The following ASIC2 variants were observed in gnomAD, a reference collection of about 807,000 sequenced individuals.
ASIC2 encodes the protein acid-sensing ion channel 2.
In ASIC2, 25 loss-of-function variants were observed where a neutral mutation model predicts 57.3. The observed-to-expected ratio is 0.44, with a 90% CI of 0.32 to 0.61. The LOEUF is 0.61. ASIC2 is among the 20% of genes least tolerant of loss of function. The probability of loss-of-function intolerance (pLI) is 0.06; values close to 1 mark genes in which losing one functional copy is unlikely to be tolerated. For missense variants in ASIC2, 641 were observed against 738.1 expected, an observed-to-expected ratio of 0.87 and a Z score of 1.52; for synonymous variants, 319 against 307.5, an observed-to-expected ratio of 1.04 and a Z score of -0.39.
chr17:34,123,739 T>G (rs1425657752), intron 1 of ASIC2, among the ~76,000 whole-genome samples: 1 of 152,166 alleles, frequency 6.6e-6, no homozygotes, highest in African/African-American at 2.4e-5. Context: ...AAAGCAACCT[T>G]TACTGAAGGC....
At position 33,522,927 on chromosome 17, in the gene ASIC2, C is replaced by A. The variant is rs114740785; in HGVS notation, c.556-410860G>T. Among the ~76,000 whole-genome samples the A allele has an allele frequency of 8.3e-3, 1,261 of 152,134 alleles. 22 individuals carry two copies. Among genetic ancestry groups the A allele is most frequent in the African/African-American group, 0.029 (1,215 of 41,486 alleles). On this transcript the variant is annotated intron_variant, in intron 1 of 9. Coordinates refer to the ASIC2 transcript ENST00000359872. ...ACAAAGGCCAGGGCAACCCCTGGCT[C>A]CCCCTACCCCACCCACCGCAAGCCC... is the stretch of plus-strand genomic sequence containing the variant.
chr17:33,452,081 G>C (rs1389421340), intron 1 of ASIC2, among the ~76,000 whole-genome samples: 1 of 152,196 alleles, frequency 6.6e-6, no homozygotes, highest in African/African-American at 2.4e-5. Flanking sequence ...ATGAAAACTT[G>C]GAATACCAAG....
At chr17:33,728,769 A>G (rs1471372247) in intron 1 of ASIC2, among the ~76,000 whole-genome samples, 1 of 152,164 alleles carries the variant, frequency 6.6e-6, no homozygotes, top group Admixed American at 6.5e-5. Flanking sequence ...TGAGTTGGGA[A>G]GGCAGAGGAA....
At chr17:33,366,728 A>G (rs879560368) in intron 1 of ASIC2, among the ~76,000 whole-genome samples, 2 of 152,228 alleles carry the variant, frequency 1.3e-5, no homozygotes, top group South Asian at 4.1e-4. Context: ...GAAATAGTCA[A>G]TGATTTTTTG....
At chr17:33,213,899 G>A (rs1907375037) in intron 1 of ASIC2, among the ~76,000 whole-genome samples, 1 of 152,216 alleles carries the variant, frequency 6.6e-6, no homozygotes, top group African/African-American at 2.4e-5. Flanking sequence ...CAAGTTGAGA[G>A]AATAACAAGA....
chr17:33,541,207 G>T (rs986929606), intron 1 of ASIC2: 2 of 152,170 alleles, frequency 1.3e-5, no homozygotes, highest in African/African-American at 4.8e-5. Flanking sequence ...GTTAGAGCTT[G>T]TAAAAGTTTA....
chr17:33,309,085 G>T lies in ASIC2; in HGVS notation c.556-197018C>A, dbSNP rs149605121. ...TAAAAAGCTTTCTTCCATTCCCAAC[G>T]TTTCCTGATTCTGCTGCTACAACTT... On this transcript the variant is annotated intron_variant, in intron 1 of 9. Coordinates refer to the ASIC2 transcript ENST00000359872. Among the ~76,000 whole-genome samples the T allele has an allele frequency of 1.6e-4, 24 of 152,124 alleles. 1 individual carries two copies. The East Asian group carries it at 4.1e-3, about 26-fold the overall frequency.
At chr17:33,080,989 G>A (rs2092111057) in intron 3 of ASIC2, among the ~76,000 whole-genome samples, 2 of 152,180 alleles carry the variant, frequency 1.3e-5, no homozygotes, top group South Asian at 2.1e-4. Flanking sequence ...GAACTTTTTG[G>A]TGACTCTTTG....
intron 1 of ASIC2, among the ~76,000 whole-genome samples, chr17:33,201,383 C>T (rs886084489): frequency 1.3e-5 from 2 of 152,170 alleles, no homozygotes; most frequent in Admixed American, 6.5e-5. Flanking sequence ...TGGGACTCAA[C>T]TCTGGAGGCA....
At chr17:33,234,144 C>T (rs764128184) in intron 1 of ASIC2, among the ~76,000 whole-genome samples, 41 of 152,268 alleles carry the variant, frequency 2.7e-4, no homozygotes, top group African/African-American at 6.7e-4. Context: ...ATGCCTGGAG[C>T]GATTTTTTTT....
rs779597047 is a variant in ASIC2 at position 33,443,406 on chromosome 17, A to ATTTTTTTTTTTTT, written c.556-331352_556-331340dup. Among the ~76,000 whole-genome samples, 72 of 75,262 alleles carry ATTTTTTTTTTTTT rather than the reference A, an allele frequency of 9.6e-4. 4 individuals carry two copies. The highest frequency in any genetic ancestry group is 1.5e-3 in the East Asian group (4 of 2,684). The allele number at this position is 75,262 out of a possible 152,430, so 49.4% of individuals were successfully genotyped here. ...TTTTTTATGTATGGTGGAGGGTAAG[A>ATTTTTTTTTTTTT]TTTTTTTTTTTTTTTTTTTTTTTTT... On this transcript the variant is annotated intron_variant, in intron 1 of 9. Coordinates refer to the ASIC2 transcript ENST00000359872.
intron 2 of ASIC2, among the ~76,000 whole-genome samples, chr17:33,091,839 G>T (rs1255351698): frequency 6.6e-6 from 1 of 152,216 alleles, no homozygotes; most frequent in Non-Finnish European, 1.5e-5. Flanking sequence ...ATGGGAACGT[G>T]CTATTCCCTG....
At chr17:33,427,917 CTCTT>C (rs749824830) in intron 1 of ASIC2, among the ~76,000 whole-genome samples, 48 of 152,226 alleles carry the variant, frequency 3.2e-4, no homozygotes, top group Non-Finnish European at 5.4e-4. Flanking sequence ...GTCTTTCTGT[CTCTT>C]TCTTGGATTA....
chr17:33,329,836 C>G (rs946544279), intron 1 of ASIC2, among the ~76,000 whole-genome samples: 1 of 152,128 alleles, frequency 6.6e-6, no homozygotes, highest in African/African-American at 2.4e-5. Flanking sequence ...CTATCAAGAA[C>G]TATACCCAGG....
At chr17:33,421,210 AG>A (rs1326154189) in intron 1 of ASIC2, among the ~76,000 whole-genome samples, 1 of 152,062 alleles carries the variant, frequency 6.6e-6, no homozygotes, top group Non-Finnish European at 1.5e-5. Flanking sequence ...AGCAGGGAGG[AG>A]GGGGCACAGT....
chr17:33,026,004 C>T (rs1567720068), intron 4 of ASIC2, 22 bp from the exon 5 acceptor site: 1 of 1,612,024 alleles, frequency 6.2e-7, no homozygotes, highest in East Asian at 2.2e-5. Context: ...AAACACCAGA[C>T]AGAGTTACTC....
At chr17:33,577,862 AGAG>A (rs1439014101) in intron 1 of ASIC2, among the ~76,000 whole-genome samples, 1 of 152,130 alleles carries the variant, frequency 6.6e-6, no homozygotes, top group East Asian at 1.9e-4. Flanking sequence ...AAAGGAGAGA[AGAG>A]AACCTTTCCA....
At chr17:33,516,606 C>T (rs965486830) in intron 1 of ASIC2, among the ~76,000 whole-genome samples, 2 of 152,194 alleles carry the variant, frequency 1.3e-5, no homozygotes, top group Non-Finnish European at 2.9e-5. Context: ...GTGCTATTAA[C>T]ACTTCCAGGT....
chr17:33,834,693 T>C (rs1220562699), intron 1 of ASIC2: 1 of 152,260 alleles, frequency 6.6e-6, no homozygotes, highest in Non-Finnish European at 1.5e-5. Flanking sequence ...ATTTGTATGC[T>C]ATTTTTAGAA....
Sources: gnomAD v4.1 joint callset for allele counts (sites outside exome capture counted in the v4.1 genomes callset) on GRCh38, gnomAD v4.1.1 for gene constraint, MANE v1.5 for transcripts, NCBI Gene and HGNC (gene_info 2026-07-23, HGNC 2026-07-21) for gene names.